MBP: variants seen among roughly 807,000 people sequenced by gnomAD.
The protein encoded by MBP is myelin basic protein, also known as Golli-MBP.
Under a neutral mutation model 35.8 loss-of-function variants are expected in MBP, and 16 were observed. That is an observed-to-expected ratio of 0.45 (90% CI 0.30 to 0.68). The LOEUF is 0.68. Ranked by LOEUF, MBP falls within the 30% of genes least tolerant of loss-of-function variation. The probability of loss-of-function intolerance (pLI) is 0.08; values close to 1 mark genes in which losing one functional copy is unlikely to be tolerated. For missense variants in MBP, 380 were observed against 404.7 expected, an observed-to-expected ratio of 0.94 and a Z score of 0.52; for synonymous variants, 143 against 159.6, an observed-to-expected ratio of 0.90 and a Z score of 0.78.
chr18:77,023,254 G>T (rs2123520666), intron 3 of MBP, among the ~76,000 whole-genome samples: 1 of 152,280 alleles, frequency 6.6e-6, no homozygotes, highest in South Asian at 2.1e-4. Context: ...ACTAAATAAA[G>T]AAACTCAGGC....
At chr18:77,103,378 T>G (rs534186125) in intron 2 of MBP, among the ~76,000 whole-genome samples, 3 of 152,360 alleles carry the variant, frequency 2.0e-5, no homozygotes, top group African/African-American at 7.2e-5. Flanking sequence ...CCGGCCCATC[T>G]TCAGCAGCCG....
chr18:77,094,634 GAGA>G (rs1975682987), intron 2 of MBP, among the ~76,000 whole-genome samples: 1 of 152,198 alleles, frequency 6.6e-6, no homozygotes, highest in Non-Finnish European at 1.5e-5. Context: ...GTATTTTTCA[GAGA>G]AGTTTACCTC....
At chr18:77,021,718 C>T (rs1007701768) in intron 3 of MBP, among the ~76,000 whole-genome samples, 4 of 152,148 alleles carry the variant, frequency 2.6e-5, no homozygotes, top group African/African-American at 7.2e-5. Flanking sequence ...CTCCTGACCT[C>T]GTGATCCACC....
At chr18:77,077,326 C>T (rs1032596733) in intron 2 of MBP, among the ~76,000 whole-genome samples, 1 of 139,456 alleles carries the variant, frequency 7.2e-6, no homozygotes, top group Non-Finnish European at 1.5e-5. Context: ...GGCTGCACTC[C>T]AGCCAGGGCA....
chr18:77,010,554 A>C (rs1416626747), intron 4 of MBP, among the ~76,000 whole-genome samples: 1 of 152,232 alleles, frequency 6.6e-6, no homozygotes, highest in Admixed American at 6.5e-5. Context: ...TTTTAGGAGC[A>C]ATAGTGTTCA....
intron 3 of MBP, among the ~76,000 whole-genome samples, chr18:77,057,841 T>TTTTTTTTTTG (rs1305144477): frequency 1.4e-4 from 1 of 7,358 alleles, no homozygotes; most frequent in South Asian, 9.1e-3. Context: ...TTTTTTTTTT[T>TTTTTTTTTTG]TTTGAGACGG....
chr18:77,066,743 G>T (rs1181012843), intron 2 of MBP, among the ~76,000 whole-genome samples: 1 of 152,278 alleles, frequency 6.6e-6, no homozygotes, highest in Non-Finnish European at 1.5e-5. Flanking sequence ...CTGTGCGGCA[G>T]AACTGACGCC....
chr18:77,129,316 C>T (rs1285185287), intron 1 of MBP, among the ~76,000 whole-genome samples: 1 of 152,238 alleles, frequency 6.6e-6, no homozygotes, highest in Non-Finnish European at 1.5e-5. Flanking sequence ...TGAGACATTA[C>T]TAATAGCTTT....
intron 2 of MBP, among the ~76,000 whole-genome samples, chr18:77,081,735 G>T (rs1444426861): frequency 6.9e-6 from 1 of 144,134 alleles, no homozygotes; most frequent in Non-Finnish European, 1.5e-5. Context: ...CTTATACAGG[G>T]ATTTTCATAG....
intron 2 of MBP, among the ~76,000 whole-genome samples, chr18:77,067,522 C>T (rs1416795073): frequency 1.3e-5 from 2 of 152,202 alleles, no homozygotes; most frequent in East Asian, 1.9e-4. Flanking sequence ...CAACCCTAAC[C>T]GTGTTGCACT....
chr18:77,078,619 A>T (rs1395412080), intron 2 of MBP, among the ~76,000 whole-genome samples: 3 of 152,168 alleles, frequency 2.0e-5, no homozygotes, highest in Admixed American at 2.0e-4. Context: ...GAGCCTGGAG[A>T]ACTCATTTCT....
At chr18:77,128,315 A>G (rs1977123093) in intron 1 of MBP, among the ~76,000 whole-genome samples, 2 of 152,246 alleles carry the variant, frequency 1.3e-5, no homozygotes, top group Admixed American at 6.5e-5. Flanking sequence ...TTCCATTTAT[A>G]GAGCATTCTT....
chr18:77,070,733 A>C (rs1288052319), intron 2 of MBP, among the ~76,000 whole-genome samples: 1 of 152,110 alleles, frequency 6.6e-6, no homozygotes, highest in Admixed American at 6.5e-5. Flanking sequence ...GGGCCCTGGG[A>C]ACTCGAGAGG....
chr18:77,056,257 G>A (rs997454477), intron 3 of MBP, among the ~76,000 whole-genome samples: 3 of 152,228 alleles, frequency 2.0e-5, no homozygotes, highest in African/African-American at 7.2e-5. Context: ...TAAACTGGAG[G>A]CATGAACTGA....
In MBP at chr18:77,102,815, G is replaced by A. The variant is rs1283593496; in HGVS notation, c.51+2396C>T. ...TTAACAGCCTAGAGGCCTCTGAGCA[G>A]AGCTGTTTTTTCCACTTTCACTTTA... is the stretch of plus-strand genomic sequence containing the variant. On this transcript the variant is annotated intron_variant, in intron 2 of 8. Transcript: ENST00000355994. This position sits in a 1 kb window ranked among gnomAD's most constrained non-coding sequence, Gnocchi z 4.4. Among the ~76,000 whole-genome samples, 1 of 152,222 alleles carries A rather than the reference G, an allele frequency of 6.6e-6. No individual in the cohort carries two copies. The highest frequency in any genetic ancestry group is 2.4e-5 in the African/African-American group (1 of 41,456).
chr18:77,021,619 G>C (rs1971991142), intron 3 of MBP, among the ~76,000 whole-genome samples: 1 of 152,036 alleles, frequency 6.6e-6, no homozygotes, highest in South Asian at 2.1e-4. Flanking sequence ...AAGTAGCTGG[G>C]ATTACAGGCG....
chr18:77,030,946 C>A (rs928507521), intron 3 of MBP, among the ~76,000 whole-genome samples: 2 of 152,158 alleles, frequency 1.3e-5, no homozygotes, highest in Non-Finnish European at 2.9e-5. Context: ...CCTTCGGGGG[C>A]AACCTGGTAT....
chr18:77,016,063 G>A (rs1471587223), intron 4 of MBP: 85 of 985,076 alleles, frequency 8.6e-5, no homozygotes, highest in Non-Finnish European at 9.8e-5. Flanking sequence ...TGGCACTCAG[G>A]GACCAGCGCT....
intron 1 of MBP, among the ~76,000 whole-genome samples, chr18:77,123,266 G>A (rs1027341443): frequency 6.6e-6 from 1 of 152,118 alleles, no homozygotes; most frequent in Non-Finnish European, 1.5e-5. Context: ...ATCCATAAAC[G>A]TTCCTCATCA....
Sources: allele counts gnomAD v4.1 joint callset (sites outside exome capture counted in the v4.1 genomes callset), GRCh38; gene constraint gnomAD v4.1.1; non-coding constraint Gnocchi (gnomAD v3.1); transcripts MANE v1.5; gene names NCBI Gene and HGNC (gene_info 2026-07-23, HGNC 2026-07-21).